The following FAF1 variants were observed in gnomAD, a reference collection of about 807,000 sequenced individuals.
FAF1 encodes Fas associated factor 1.
A neutral mutation model predicts 92.5 loss-of-function variants in FAF1; 25 were observed. The ratio of observed to expected loss-of-function variants is 0.27; its 90% CI spans 0.20 to 0.38. The LOEUF is 0.38. Among genes scored for constraint, FAF1 ranks in the 10% least tolerant of loss-of-function variants. The probability of loss-of-function intolerance (pLI) is 1.00; values close to 1 mark genes in which losing one functional copy is unlikely to be tolerated. For synonymous variants in FAF1, 234 were observed against 273.2 expected, an observed-to-expected ratio of 0.86 and a Z score of 1.42; for missense variants, 636 against 793.3, an observed-to-expected ratio of 0.80 and a Z score of 2.38.
chr1:50,758,905 C>T (rs544181656), intron 4 of FAF1, among the ~76,000 whole-genome samples: 5 of 152,070 alleles, frequency 3.3e-5, no homozygotes, highest in South Asian at 2.1e-4. Context: ...TGCAGTGGTG[C>T]GATCTCGGCT....
intron 1 of FAF1, among the ~76,000 whole-genome samples, chr1:50,904,871 A>ATTTTTTTCCTTT (rs1007199494): frequency 1.3e-5 from 2 of 150,672 alleles, no homozygotes; most frequent in Admixed American, 6.6e-5. Context: ...AATATTTCCT[A>ATTTTTTTCCTTT]TTTTTTTCCT....
intron 4 of FAF1, among the ~76,000 whole-genome samples, chr1:50,756,936 C>T (rs1456264400): frequency 6.6e-6 from 1 of 152,212 alleles, no homozygotes; most frequent in Admixed American, 6.5e-5. Flanking sequence ...TTGGAAGGGA[C>T]ACAGCCAAAC....
intron 15 of FAF1, among the ~76,000 whole-genome samples, chr1:50,528,576 C>T (rs1316651148): frequency 6.6e-6 from 1 of 152,192 alleles, no homozygotes; most frequent in Admixed American, 6.5e-5. Context: ...AATAATCACA[C>T]TCAGATTCAG....
chr1:50,534,516 G>A (rs1249814480), intron 15 of FAF1, among the ~76,000 whole-genome samples: 2 of 151,862 alleles, frequency 1.3e-5, no homozygotes, highest in African/African-American at 2.4e-5. Flanking sequence ...CTCAGTGATC[G>A]ACCTACCTCA....
intron 3 of FAF1, among the ~76,000 whole-genome samples, chr1:50,799,891 T>C (rs2124590003): frequency 6.6e-6 from 1 of 152,340 alleles, no homozygotes; most frequent in East Asian, 1.9e-4. Context: ...GAGCCCTCTT[T>C]TGTTTTCCTC....
chr1:50,752,631 T>C (rs1345190138), intron 4 of FAF1, among the ~76,000 whole-genome samples: 1 of 152,176 alleles, frequency 6.6e-6, no homozygotes, highest in Admixed American at 6.6e-5. Context: ...TCTGCTCTTA[T>C]ACATATTATT....
intron 6 of FAF1, among the ~76,000 whole-genome samples, chr1:50,716,633 T>C (rs1157822488): frequency 6.6e-6 from 1 of 152,138 alleles, no homozygotes; most frequent in Non-Finnish European, 1.5e-5. Flanking sequence ...AATGCACCAA[T>C]CAGCACTCTG....
At chr1:50,820,701 G>C (rs1367239033) in intron 2 of FAF1, among the ~76,000 whole-genome samples, 1 of 152,152 alleles carries the variant, frequency 6.6e-6, no homozygotes, top group Admixed American at 6.5e-5. Flanking sequence ...GTTGCTATGA[G>C]TTTGACACTT....
At chr1:50,710,913 G>GTT (rs748376546) in intron 6 of FAF1, among the ~76,000 whole-genome samples, 28 of 113,114 alleles carry the variant, frequency 2.5e-4, no homozygotes, top group Admixed American at 2.8e-4. Context: ...AGTGGCATTT[G>GTT]TTTTTTTTTT....
chr1:50,496,888 T>G (rs993638325), intron 15 of FAF1, among the ~76,000 whole-genome samples: 6 of 110,390 alleles, frequency 5.4e-5, no homozygotes, highest in African/African-American at 2.0e-4. Flanking sequence ...AAACTCCATC[T>G]CAAAAAAAAA....
chr1:50,502,898 C>T (rs144988159), intron 15 of FAF1, among the ~76,000 whole-genome samples: 2 of 152,270 alleles, frequency 1.3e-5, no homozygotes, highest in East Asian at 3.9e-4. Context: ...TAGCTCACTG[C>T]AGTTTTAAAC....
chr1:50,875,104 T>G (rs1021699034), intron 1 of FAF1, among the ~76,000 whole-genome samples: 1 of 152,076 alleles, frequency 6.6e-6, no homozygotes, highest in African/African-American at 2.4e-5. Context: ...GAATACTGAA[T>G]TTTTTTGTTT....
intron 4 of FAF1, among the ~76,000 whole-genome samples, chr1:50,752,350 A>C (rs183343088): frequency 1.3e-5 from 2 of 152,292 alleles, no homozygotes; most frequent in Admixed American, 6.5e-5. Context: ...ACTTCTGTGA[A>C]TGTGGTAACT....
At chr1:50,483,280 C>T (rs531614812) in intron 17 of FAF1, among the ~76,000 whole-genome samples, 9 of 151,942 alleles carry the variant, frequency 5.9e-5, no homozygotes, top group African/African-American at 9.7e-5. Flanking sequence ...CATTGAATTG[C>T]CTTTGTATCT....
At chr1:50,457,053 T>C (rs1252227004) in intron 18 of FAF1, among the ~76,000 whole-genome samples, 2 of 151,586 alleles carry the variant, frequency 1.3e-5, no homozygotes, top group South Asian at 2.1e-4. Context: ...ATCTAGAAAA[T>C]AGGTTTTTTT....
At chr1:50,913,063 A>T (rs1040873433) in intron 1 of FAF1, among the ~76,000 whole-genome samples, 1 of 152,320 alleles carries the variant, frequency 6.6e-6, no homozygotes, top group South Asian at 2.1e-4. Flanking sequence ...CTCTAAAAAC[A>T]CTTATAAAAA....
chr1:50,901,656 C>T (rs1050199323), intron 1 of FAF1, among the ~76,000 whole-genome samples: 2 of 152,114 alleles, frequency 1.3e-5, no homozygotes, highest in African/African-American at 4.8e-5. Context: ...ACTTTGAGCT[C>T]AGGAGTTCAA....
At chr1:50,882,584 A>T (rs1049737690) in intron 1 of FAF1, among the ~76,000 whole-genome samples, 1 of 151,628 alleles carries the variant, frequency 6.6e-6, no homozygotes, top group Admixed American at 6.6e-5. Context: ...CCTGGACAAC[A>T]GAGCAAGACT....
At chr1:50,910,416 C>G (rs1644875196) in intron 1 of FAF1, among the ~76,000 whole-genome samples, 1 of 152,214 alleles carries the variant, frequency 6.6e-6, no homozygotes, top group Admixed American at 6.5e-5. Flanking sequence ...TCAAAGCTGT[C>G]AGACAGGGAA....
Sources: gnomAD v4.1 joint callset for allele counts (sites outside exome capture counted in the v4.1 genomes callset) on GRCh38, gnomAD v4.1.1 for gene constraint, MANE v1.5 for transcripts, NCBI Gene and HGNC (gene_info 2026-07-23, HGNC 2026-07-21) for gene names.